Variants in TBX6 observed in about 807,000 individuals in gnomAD.
The protein encoded by TBX6 is T-box transcription factor TBX6.
In TBX6, 29 loss-of-function variants were observed where a neutral mutation model predicts 42.3. The ratio of observed to expected loss-of-function variants is 0.69; its 90% confidence interval spans 0.51 to 0.93. The LOEUF (loss-of-function observed/expected upper bound fraction) is 0.93. Ranked by LOEUF, TBX6 falls within the 40% of genes least tolerant of loss-of-function variation. TBX6 has a pLI of 0.00. For synonymous variants in TBX6, 249 were observed against 245.1 expected, an observed-to-expected ratio of 1.02 and a Z score of -0.15; for missense variants, 569 against 603.3, an observed-to-expected ratio of 0.94 and a Z score of 0.59.
Position 30,088,872 on chromosome 16 carries a change from C to T in TBX6, c.622-33G>A, listed in dbSNP as rs769952883. The T allele has an allele frequency of 6.2e-7, 1 of 1,608,734 alleles. No individual in the cohort carries two copies. Among genetic ancestry groups the T allele is most frequent in the East Asian group, 2.2e-5 (1 of 44,780 alleles). On this transcript the variant is annotated intron_variant, in intron 4 of 8. Coordinates refer to ENST00000395224, the MANE Select transcript of TBX6 (RefSeq NM_004608.4). The surrounding 1 kb of genome is among the most constrained non-coding windows in gnomAD (Gnocchi z 4.1). ...GGAGGAAATGGGAGTGATTCCCTGCCCTGCGCCTCACCCTTGGCCTCCCTT... is the reference window on the plus strand; with the variant it reads ...GGAGGAAATGGGAGTGATTCCCTGCTCTGCGCCTCACCCTTGGCCTCCCTT...
intron 1 of TBX6, chr16:30,091,575 G>C (rs2072726356): frequency 5.0e-6 from 1 of 198,188 alleles, no homozygotes; most frequent in Admixed American, 5.3e-5. Flanking sequence ...GGATAAGCTG[G>C]GGGGCGGGGC....
Position 30,091,241 on chromosome 16 carries a change from G to A in TBX6, c.-48C>T. The A allele has an allele frequency of 3.6e-6, 5 of 1,393,132 alleles. No individual in the cohort carries two copies. Among genetic ancestry groups the A allele is most frequent in the Non-Finnish European group, 2.9e-6 (3 of 1,034,436 alleles). 86.3% of individuals were successfully genotyped at this position (1,393,132 alleles called of 1,614,324 possible). A position where few individuals can be genotyped will look rare whatever the true frequency, so the allele number is the denominator to read the frequency against. On this transcript the variant is annotated splice_region_variant and 5_prime_UTR_variant, in exon 2 of 9. Transcript: ENST00000395224. ...GGTCTCGCTGCTTAGGGCCCCCGGTGCTGCGAGATGCCCCCTTTATAGCTC... is the reference window on the plus strand; with the variant it reads ...GGTCTCGCTGCTTAGGGCCCCCGGTACTGCGAGATGCCCCCTTTATAGCTC...
chr16:30,088,930 G>A lies in TBX6; in HGVS notation c.621+13C>T. ...CCCCCAACCCTATCCTGGAGTCCCAGCCTGGGCCTCACGTGGCCGTGGGGG... is the reference window on the plus strand; with the variant it reads ...CCCCCAACCCTATCCTGGAGTCCCAACCTGGGCCTCACGTGGCCGTGGGGG... On this transcript the variant is annotated intron_variant, in intron 4 of 8. Coordinates refer to ENST00000395224, the MANE Select transcript of TBX6 (RefSeq NM_004608.4). This position sits in a 1 kb window ranked among gnomAD's most constrained non-coding sequence, Gnocchi z 4.1. 6.2e-7 allele frequency: 1 copy of A among 1,604,608 alleles called. No homozygotes were observed. The highest frequency in any genetic ancestry group is 8.5e-7 in the Non-Finnish European group (1 of 1,172,860).
intron 1 of TBX6, 160 bp from the exon 2 acceptor site, chr16:30,091,401 T>TCCCCTCCC (rs2072722862): frequency 2.0e-6 from 1 of 499,388 alleles, no homozygotes; most frequent in African/African-American, 2.0e-5. Flanking sequence ...GGTCCCCTCC[T>TCCCCTCCC]CCCCTCCCTC....
intron 3 of TBX6, 77 bp from the exon 4 acceptor site, chr16:30,089,287 TA>T: frequency 6.5e-7 from 1 of 1,533,064 alleles, no homozygotes; most frequent in East Asian, 2.3e-5. Flanking sequence ...TAACGGGACA[TA>T]ACAACGGGCT....
chr16:30,087,641 C>T (rs1480873586), intron 6 of TBX6, among the ~76,000 whole-genome samples: 2 of 152,174 alleles, frequency 1.3e-5, no homozygotes, highest in Non-Finnish European at 2.9e-5. Flanking sequence ...CCTGGCTTCC[C>T]CTCCCCTGCC....
In TBX6 at chr16:30,088,896, T is replaced by C. The variant is rs1352090880; in HGVS notation, c.621+47A>G. 3 of 1,603,866 alleles carry C rather than the reference T, an allele frequency of 1.9e-6. No individual in the cohort carries two copies. Among genetic ancestry groups the C allele is most frequent in the Non-Finnish European group, 2.6e-6 (3 of 1,172,510 alleles). The stretch of plus-strand genomic sequence containing the variant: ...CCCTGCGCCTCACCCTTGGCCTCCC[T>C]TCCAGCACCCCCCAACCCTATCCTG... On this transcript the variant is annotated intron_variant, in intron 4 of 8. Transcript: ENST00000395224. The surrounding 1 kb of genome is among the most constrained non-coding windows in gnomAD (Gnocchi z 4.1).
rs200023167 is a variant in TBX6 at position 30,086,548 on chromosome 16, G to A, written c.1061C>T (p.Ala354Val). 4.0e-5 allele frequency: 61 copies of A among 1,524,012 alleles called. No homozygotes were observed. Among genetic ancestry groups the A allele is most frequent in the East Asian group, 1.7e-4 (7 of 41,366 alleles). The allele number at this position is 1,524,012 out of a possible 1,614,324, so 94.4% of individuals were successfully genotyped here. A position where few individuals can be genotyped will look rare whatever the true frequency, so the allele number is the denominator to read the frequency against. ...PSAEAYLLHP[A>V]AFHGAPSHLP... ...GTGACTGGGGGCCCCATGGAAAGCC[G>A]CAGGGTGCAGGAGGTAGGCCTCAGC... The change falls in exon 8 of 9, where the codon GCG becomes GTG. Residue 354 changes from alanine to valine, a missense_variant. Ala to Val is a moderately conservative substitution (Grantham distance 64, BLOSUM62 0). This residue lies in a region of TBX6 where 245 missense variants were observed against 227.4 expected (regional missense o/e 1.08). Coordinates refer to ENST00000395224, the MANE Select transcript of TBX6 (RefSeq NM_004608.4). This position sits in a 1 kb window ranked among gnomAD's most constrained non-coding sequence, Gnocchi z 4.6.
At position 30,088,892 on chromosome 16, in the gene TBX6, TCCCTTCCAGCAC is replaced by T; in HGVS notation, c.621+39_621+50del. 6.2e-7 allele frequency: 1 copy of T among 1,604,362 alleles called. No individual in the cohort carries two copies. Among genetic ancestry groups the T allele is most frequent in the Non-Finnish European group, 8.5e-7 (1 of 1,172,816 alleles). On this transcript the variant is annotated intron_variant, in intron 4 of 8. Coordinates refer to ENST00000395224, the MANE Select transcript of TBX6 (RefSeq NM_004608.4). This position sits in a 1 kb window ranked among gnomAD's most constrained non-coding sequence, Gnocchi z 4.1. The stretch of plus-strand genomic sequence containing the variant: ...CCTGCCCTGCGCCTCACCCTTGGCC[TCCCTTCCAGCAC>T]CCCCCAACCCTATCCTGGAGTCCCA...
chr16:30,088,181 G>GC lies in TBX6; in HGVS notation c.839+363dup. The GC allele has an allele frequency of 6.6e-6, 2 of 302,236 alleles. No individual in the cohort carries two copies. The highest frequency in any genetic ancestry group is 5.8e-5 in the South Asian group (2 of 34,670). The allele number at this position is 302,236 out of a possible 1,614,324, so 18.7% of individuals were successfully genotyped here. On this transcript the variant is annotated intron_variant, in intron 6 of 8. Coordinates refer to ENST00000395224, the MANE Select transcript of TBX6 (RefSeq NM_004608.4). This position sits in a 1 kb window ranked among gnomAD's most constrained non-coding sequence, Gnocchi z 4.1. The stretch of plus-strand genomic sequence containing the variant: ...TCGAACTCCTGGCCTCAGGTGATCT[G>GC]CCCGCCTCAGCCTCCCAGAGTGCTG...
At chr16:30,091,440 ACCCCCTG>A in intron 1 of TBX6, 199 bp from the exon 2 acceptor site, 1 of 431,392 alleles carries the variant, frequency 2.3e-6, no homozygotes. Context: ...ATTAGCCTCG[ACCCCCTG>A]CCCCCTCATT....
In TBX6 at chr16:30,091,061, G is replaced by A. The variant is rs1303724332; in HGVS notation, c.118+15C>T. The A allele has an allele frequency of 1.9e-6, 3 of 1,587,316 alleles. No individual in the cohort carries two copies. Among genetic ancestry groups the A allele is most frequent in the Non-Finnish European group, 2.6e-6 (3 of 1,167,048 alleles). On this transcript the variant is annotated intron_variant, in intron 2 of 8. Transcript: ENST00000395224. ...CCCCCTATTCTCCTACCCAGGAGCT[G>A]GTCCCAACGCTCACCGGGGTAGCGG...
rs764767132 is a variant in TBX6 at position 30,090,928 on chromosome 16, G to A, written c.183C>T (p.Ala61=). ...GCAGAAGGGGCAGAGGTGGGTGCGC[G>A]GCCAGGGTGCGGGGAGCAGCCTCCA... ...SGMEAAPRTL[A]AHPPLPLLPP... is the part of the protein sequence containing the mutation. The change falls in exon 3 of 9, where the codon GCC becomes GCT. Residue 61 remains alanine, a synonymous_variant. Transcript: ENST00000395224. 1.2e-5 allele frequency: 20 copies of A among 1,612,890 alleles called. No individual in the cohort carries two copies. The Admixed American group carries it at 1.8e-4, about 15-fold the overall frequency.
rs3833842 is a variant in TBX6, at chr16:30,086,868, GTGA to G, written c.840-20_840-18del. ...TCTCGCTCCCTGGGGAACAGTGGTG[GTGA>G]TGATGATGATGATGGTGATGGCCAT... On this transcript the variant is annotated intron_variant, in intron 6 of 8. Coordinates refer to ENST00000395224, the MANE Select transcript of TBX6 (RefSeq NM_004608.4). This position sits in a 1 kb window ranked among gnomAD's most constrained non-coding sequence, Gnocchi z 4.6. The G allele has an allele frequency of 0.38, 608,842 of 1,598,808 alleles. 118,947 individuals are homozygous for G. Among genetic ancestry groups the G allele is most frequent in the South Asian group, 0.44 (39,146 of 89,262 alleles).
Sources: gnomAD v4.1 joint callset for allele counts (sites outside exome capture counted in the v4.1 genomes callset) on GRCh38, gnomAD v4.1.1 for gene constraint, gnomAD v4.1.1 regional missense constraint, Gnocchi (gnomAD v3.1) non-coding constraint, MANE v1.5 for transcripts, NCBI Gene and HGNC (gene_info 2026-07-23, HGNC 2026-07-21) for gene names.